PIAS1: variants seen among roughly 807,000 people sequenced by gnomAD.
The protein encoded by PIAS1 is E3 SUMO-protein ligase PIAS1.
A neutral mutation model predicts 71.3 loss-of-function variants in PIAS1; 6 were observed. That is an observed-to-expected ratio of 0.08 (90% CI 0.05 to 0.17). PIAS1 has a LOEUF of 0.17. PIAS1 is among the 10% of genes least tolerant of loss of function. The pLI, the probability that PIAS1 is intolerant of heterozygous loss-of-function variation, is 1.00. For synonymous variants in PIAS1, 303 were observed against 292.9 expected (o/e 1.03, Z -0.35); for missense variants, 555 against 793.6 (o/e 0.70, Z 3.61).
intron 8 of PIAS1, among the ~76,000 whole-genome samples, chr15:68,165,151 C>T (rs760775374): frequency 3.3e-5 from 5 of 152,010 alleles, no homozygotes; most frequent in African/African-American, 9.7e-5. Context: ...GATGGAGTTT[C>T]GCTCTTGTTG....
chr15:68,188,975 T>G lies in PIAS1; in HGVS notation c.*1140T>G, dbSNP rs1181836650. On this transcript the variant is annotated 3_prime_UTR_variant, in exon 14 of 14. Transcript: ENST00000249636. ...AATGCACCACATTTTTGTAGAAGTC[T>G]ACTATTTGATAAACAGTTGAAATTC... 2 of 152,224 alleles carry G rather than the reference T, an allele frequency of 1.3e-5. No individual in the cohort carries two copies. The highest frequency in any genetic ancestry group is 2.9e-5 in the Non-Finnish European group (2 of 68,028). 9.4% of individuals were successfully genotyped at this position (152,224 alleles called of 1,614,324 possible).
chr15:68,073,157 A>G (rs2092119211), intron 1 of PIAS1, among the ~76,000 whole-genome samples: 1 of 152,102 alleles, frequency 6.6e-6, no homozygotes, highest in East Asian at 1.9e-4. Context: ...CTGGGACTAC[A>G]GGTACCTGCC....
At chr15:68,069,184 G>A (rs1346710231) in intron 1 of PIAS1, among the ~76,000 whole-genome samples, 2 of 152,048 alleles carry the variant, frequency 1.3e-5, no homozygotes, top group South Asian at 2.1e-4. Context: ...GTGAGCCACC[G>A]CACCCGGCCT....
intron 13 of PIAS1, chr15:68,184,672 A>G (rs1350619114): frequency 6.6e-6 from 1 of 152,324 alleles, no homozygotes; most frequent in Non-Finnish European, 1.5e-5. Context: ...AGATAAGCTG[A>G]TTATGAAGGA....
chr15:68,058,036 G>A (rs1193394925), intron 1 of PIAS1, among the ~76,000 whole-genome samples: 2 of 152,176 alleles, frequency 1.3e-5, no homozygotes, highest in Middle Eastern at 3.2e-3. Flanking sequence ...GCTGCTCCAG[G>A]GTTCTTGCTG....
chr15:68,099,629 G>T (rs376090111), intron 2 of PIAS1, among the ~76,000 whole-genome samples: 1 of 151,604 alleles, frequency 6.6e-6, no homozygotes, highest in East Asian at 1.9e-4. Context: ...TACATGCCCA[G>T]GAATGGAATT....
chr15:68,172,471 C>T (rs1461992230), intron 8 of PIAS1, among the ~76,000 whole-genome samples: 2 of 152,096 alleles, frequency 1.3e-5, no homozygotes, highest in African/African-American at 4.8e-5. Context: ...ATTTCTAGTT[C>T]CAGATCCTTG....
At chr15:68,103,546 A>T (rs1450471692) in intron 2 of PIAS1, among the ~76,000 whole-genome samples, 1 of 152,094 alleles carries the variant, frequency 6.6e-6, no homozygotes, top group Non-Finnish European at 1.5e-5. Flanking sequence ...AGCCACCATC[A>T]CTATCAATTT....
chr15:68,163,962 C>T (rs535553648), intron 7 of PIAS1, among the ~76,000 whole-genome samples: 3 of 152,104 alleles, frequency 2.0e-5, no homozygotes, highest in Admixed American at 6.5e-5. Flanking sequence ...CTAAGGTTTC[C>T]AGATGAGAAG....
intron 4 of PIAS1, among the ~76,000 whole-genome samples, chr15:68,143,904 G>A (rs1415349293): frequency 6.6e-6 from 1 of 151,932 alleles, no homozygotes; most frequent in African/African-American, 2.4e-5. Flanking sequence ...TAAAGACAGG[G>A]TCCCAAGACT....
chr15:68,077,807 C>T (rs2092185032), intron 1 of PIAS1, among the ~76,000 whole-genome samples: 1 of 152,180 alleles, frequency 6.6e-6, no homozygotes, highest in Non-Finnish European at 1.5e-5. Context: ...GCTCTGTTAC[C>T]TTCAGTAGGT....
chr15:68,163,825 A>G (rs533225848), intron 7 of PIAS1, among the ~76,000 whole-genome samples: 3 of 152,276 alleles, frequency 2.0e-5, no homozygotes, highest in South Asian at 2.1e-4. Context: ...CCTTTGTACA[A>G]TATAGACTTT....
At chr15:68,115,313 C>T (rs1036192572) in intron 2 of PIAS1, among the ~76,000 whole-genome samples, 1 of 152,064 alleles carries the variant, frequency 6.6e-6, no homozygotes, top group African/African-American at 2.4e-5. Flanking sequence ...GTCAAACTCT[C>T]TTCCACAGTA....
chr15:68,119,167 A>T (rs969744311), intron 2 of PIAS1, among the ~76,000 whole-genome samples: 1 of 121,690 alleles, frequency 8.2e-6, no homozygotes, highest in South Asian at 2.8e-4. Flanking sequence ...CGGGAGGCCG[A>T]GGTGGGTGGA....
chr15:68,057,581 G>C (rs925709128), intron 1 of PIAS1: 7 of 386,822 alleles, frequency 1.8e-5, no homozygotes, highest in African/African-American at 1.5e-4. Context: ...CTATGAGTGT[G>C]TCAGTGAATT....
At chr15:68,150,575 G>A (rs1460052297) in intron 6 of PIAS1, among the ~76,000 whole-genome samples, 1 of 152,156 alleles carries the variant, frequency 6.6e-6, no homozygotes, top group Non-Finnish European at 1.5e-5. Context: ...CTTTTCAAAT[G>A]AAGTAAATAG....
At chr15:68,061,847 T>G (rs1209776710) in intron 1 of PIAS1, among the ~76,000 whole-genome samples, 1 of 152,214 alleles carries the variant, frequency 6.6e-6, no homozygotes, top group Non-Finnish European at 1.5e-5. Flanking sequence ...GTGTGTGTGT[T>G]TTGTCTCTTC....
intron 1 of PIAS1, among the ~76,000 whole-genome samples, chr15:68,069,586 A>G (rs1469156466): frequency 2.0e-5 from 3 of 152,212 alleles, no homozygotes; most frequent in African/African-American, 4.8e-5. Context: ...GCGGATGACA[A>G]GGTCAGGAGA....
rs766248925 is a variant in PIAS1, at chr15:68,191,543, C to T, written c.*3708C>T. The T allele has an allele frequency of 8.5e-5, 13 of 152,622 alleles. No homozygotes were observed. Among genetic ancestry groups the T allele is most frequent in the Non-Finnish European group, 1.9e-4 (13 of 68,038 alleles). The allele number at this position is 152,622 out of a possible 1,614,324, so 9.5% of individuals were successfully genotyped here. Reference sequence around the variant, plus strand: ...GACAAGTGATAATGGTTTGTGCTTCCAAAGCACCTTTCATCCAGAGATTTC... The same window carrying T: ...GACAAGTGATAATGGTTTGTGCTTCTAAAGCACCTTTCATCCAGAGATTTC... On this transcript the variant is annotated 3_prime_UTR_variant, in exon 14 of 14. Coordinates refer to ENST00000249636, the MANE Select transcript of PIAS1 (RefSeq NM_016166.3).
Sources: gnomAD v4.1 joint callset for allele counts (sites outside exome capture counted in the v4.1 genomes callset) on GRCh38, gnomAD v4.1.1 for gene constraint, MANE v1.5 for transcripts, NCBI Gene and HGNC (gene_info 2026-07-23, HGNC 2026-07-21) for gene names.